C10orf90: variants seen among roughly 807,000 people sequenced by gnomAD.
The protein encoded by C10orf90 is chromosome 10 open reading frame 90, also known as (E2-independent) E3 ubiquitin-conjugating enzyme FATS.
C10orf90 carries 56 observed loss-of-function variants against 62.5 expected under a neutral mutation model. That is an observed-to-expected ratio of 0.90 (90% CI 0.72 to 1.12). The LOEUF (loss-of-function observed/expected upper bound fraction) is 1.12. Among genes scored for constraint, C10orf90 ranks in the 50% most tolerant of loss-of-function variants. The pLI, the probability that C10orf90 is intolerant of heterozygous loss-of-function variation, is 0.00. For synonymous variants in C10orf90, 386 were observed against 340.4 expected (o/e 1.13, Z -1.47); for missense variants, 970 against 880.4 (o/e 1.10, Z -1.29).
intron 2 of C10orf90, among the ~76,000 whole-genome samples, chr10:126,576,706 T>G (rs1564879076): frequency 0.13 from 4,552 of 36,028 alleles, 853 homozygotes; most frequent in African/African-American, 0.23. Flanking sequence ...TATGTATATG[T>G]ATATATATAC....
intron 2 of C10orf90, among the ~76,000 whole-genome samples, chr10:126,533,198 T>C (rs1864150739): frequency 6.6e-6 from 1 of 152,088 alleles, no homozygotes. Flanking sequence ...CCTCCCAAAG[T>C]GCTGGGATTA....
chr10:126,425,947 CTG>C, intron 9 of C10orf90, 42 bp downstream of exon 9: 5 of 1,613,856 alleles, frequency 3.1e-6, no homozygotes, highest in Non-Finnish European at 4.2e-6. Flanking sequence ...GATTCGGCAT[CTG>C]TGCACCACAC....
chr10:126,667,146 C>T (rs937037172), intron 1 of C10orf90, among the ~76,000 whole-genome samples: 1 of 151,804 alleles, frequency 6.6e-6, no homozygotes, highest in African/African-American at 2.4e-5. Context: ...GCAAGCTCTG[C>T]CTCCCAGATT....
At chr10:126,624,913 C>T (rs1009492180) in intron 2 of C10orf90, among the ~76,000 whole-genome samples, 2 of 152,204 alleles carry the variant, frequency 1.3e-5, no homozygotes, top group African/African-American at 4.8e-5. Context: ...ATGAACCCAG[C>T]AGCCAAAGAT....
intron 2 of C10orf90, among the ~76,000 whole-genome samples, chr10:126,640,338 G>A (rs898995527): frequency 1.8e-4 from 28 of 152,338 alleles, no homozygotes; most frequent in African/African-American, 6.5e-4. Flanking sequence ...GGGGTTCTCA[G>A]CCACTCACAC....
chr10:126,565,262 T>C (rs1456963425), intron 2 of C10orf90, among the ~76,000 whole-genome samples: 1 of 63,592 alleles, frequency 1.6e-5, no homozygotes, highest in African/African-American at 6.1e-5. Flanking sequence ...ATATTATATA[T>C]TTATATTATA....
intron 1 of C10orf90, among the ~76,000 whole-genome samples, chr10:126,649,835 C>T (rs1846256565): frequency 6.6e-6 from 1 of 152,136 alleles, no homozygotes; most frequent in Admixed American, 6.5e-5. Flanking sequence ...GGAGCAGGGC[C>T]TACCTGTACA....
chr10:126,469,624 C>T (rs1456449186), intron 4 of C10orf90, among the ~76,000 whole-genome samples: 4 of 152,214 alleles, frequency 2.6e-5, no homozygotes, highest in Non-Finnish European at 5.9e-5. Context: ...TGGCCCTCAG[C>T]ATCTCCTAAA....
intron 7 of C10orf90, among the ~76,000 whole-genome samples, chr10:126,446,743 G>A (rs1481376972): frequency 6.6e-6 from 1 of 152,140 alleles, no homozygotes. Context: ...TACTCTAATA[G>A]TGTAATGGTC....
intron 3 of C10orf90, among the ~76,000 whole-genome samples, chr10:126,509,262 A>T (rs992436724): frequency 2.0e-5 from 3 of 152,200 alleles, no homozygotes; most frequent in African/African-American, 7.2e-5. Context: ...TGAGGCACAG[A>T]TACTGACGAA....
At chr10:126,527,340 T>C (rs115956928) in intron 2 of C10orf90, among the ~76,000 whole-genome samples, 1 of 152,222 alleles carries the variant, frequency 6.6e-6, no homozygotes, top group Admixed American at 6.5e-5. Flanking sequence ...CATGTGCTTA[T>C]TGGCCATTTG....
intron 4 of C10orf90, among the ~76,000 whole-genome samples, chr10:126,490,018 TATAA>T (rs1861651539): frequency 5.2e-5 from 3 of 57,420 alleles, no homozygotes; most frequent in Non-Finnish European, 9.0e-5. Flanking sequence ...ATATATTATA[TATAA>T]TATATAATAT....
At chr10:126,636,854 T>C (rs952166017) in intron 2 of C10orf90, among the ~76,000 whole-genome samples, 1 of 152,116 alleles carries the variant, frequency 6.6e-6, no homozygotes, top group Non-Finnish European at 1.5e-5. Flanking sequence ...TTAACAATAT[T>C]TCACCAAAAC....
chr10:126,489,175 A>C (rs2133828620), intron 4 of C10orf90, among the ~76,000 whole-genome samples: 1 of 152,326 alleles, frequency 6.6e-6, no homozygotes, highest in South Asian at 2.1e-4. Context: ...TTAAAAGTAT[A>C]ATGGATCATG....
At chr10:126,512,282 GAC>G in intron 3 of C10orf90, among the ~76,000 whole-genome samples, 1 of 145,404 alleles carries the variant, frequency 6.9e-6, no homozygotes, top group Admixed American at 6.8e-5. Context: ...GAGAAAGAGA[GAC>G]AGAAGTGTGT....
chr10:126,614,530 G>T (rs190017451), intron 2 of C10orf90, among the ~76,000 whole-genome samples: 1 of 152,250 alleles, frequency 6.6e-6, no homozygotes, highest in African/African-American at 2.4e-5. Flanking sequence ...CCCTGCCTGT[G>T]GATTGAGGTG....
At chr10:126,583,900 G>C (rs1276420648) in intron 2 of C10orf90, among the ~76,000 whole-genome samples, 1 of 152,148 alleles carries the variant, frequency 6.6e-6, no homozygotes, top group Admixed American at 6.5e-5. Flanking sequence ...AGGGTTGCTT[G>C]AGCCCAGGAG....
rs911291580 is a variant in C10orf90, at chr10:126,443,086, G to A, written c.2189-13236C>T. Among the ~76,000 whole-genome samples, 16 of 151,794 alleles carry A rather than the reference G, an allele frequency of 1.1e-4. No homozygotes were observed. In the South Asian group the frequency reaches 1.9e-3, roughly 18 times the overall value. On this transcript the variant is annotated intron_variant, in intron 7 of 9. Transcript: ENST00000488181. Reference sequence around the variant, plus strand: ...AAAGAGCACAAACTGACATTCTAACGTCGTCACACACCTCAAGGAACTAGA... The same window carrying A: ...AAAGAGCACAAACTGACATTCTAACATCGTCACACACCTCAAGGAACTAGA...
intron 2 of C10orf90, among the ~76,000 whole-genome samples, chr10:126,600,455 G>A (rs1245201679): frequency 6.6e-6 from 1 of 152,200 alleles, no homozygotes; most frequent in Non-Finnish European, 1.5e-5. Context: ...AAAGCCAGAT[G>A]TGGTGAGGAC....
Sources: gnomAD v4.1 joint callset for allele counts (sites outside exome capture counted in the v4.1 genomes callset) on GRCh38, gnomAD v4.1.1 for gene constraint, MANE v1.5 for transcripts, NCBI Gene and HGNC (gene_info 2026-07-23, HGNC 2026-07-21) for gene names.